Variants in EPC1 observed in about 807,000 individuals in gnomAD.
The protein encoded by EPC1 is enhancer of polycomb homolog 1.
Under a neutral mutation model 98.4 loss-of-function variants are expected in EPC1, and 12 were observed. The observed-to-expected ratio is 0.12, with a 90% CI of 0.08 to 0.20. The LOEUF (loss-of-function observed/expected upper bound fraction) is 0.20, where lower values mean the gene tolerates loss of function less well. Among genes scored for constraint, EPC1 ranks in the 10% least tolerant of loss-of-function variants. The pLI is 1.00. For synonymous variants in EPC1, 357 were observed against 363.9 expected, an observed-to-expected ratio of 0.98 and a Z score of 0.21; for missense variants, 729 against 990.5, an observed-to-expected ratio of 0.74 and a Z score of 3.54.
chr10:32,328,423 T>C (rs931139457), intron 1 of EPC1, among the ~76,000 whole-genome samples: 12 of 152,212 alleles, frequency 7.9e-5, no homozygotes, highest in Non-Finnish European at 1.8e-4. Context: ...GCTTGCACAG[T>C]TGTGCTACCA....
At chr10:32,283,890 T>C (rs1836531177) in intron 10 of EPC1, 1 of 152,174 alleles carries the variant, frequency 6.6e-6, no homozygotes, top group Admixed American at 6.5e-5. Flanking sequence ...TAAATTAGTT[T>C]ACGGAACATT....
intron 1 of EPC1, among the ~76,000 whole-genome samples, chr10:32,318,023 C>T (rs1033198935): frequency 2.0e-5 from 3 of 152,278 alleles, no homozygotes; most frequent in Middle Eastern, 6.8e-3. Flanking sequence ...CCTCTCATGT[C>T]CTTATTTGTA....
At chr10:32,301,071 T>C (rs1835501214) in intron 2 of EPC1, among the ~76,000 whole-genome samples, 1 of 152,090 alleles carries the variant, frequency 6.6e-6, no homozygotes, top group Non-Finnish European at 1.5e-5. Flanking sequence ...TCTATCTATC[T>C]ATCTATCTAT....
At chr10:32,367,902 A>G (rs182131745) in intron 1 of EPC1, among the ~76,000 whole-genome samples, 17 of 152,338 alleles carry the variant, frequency 1.1e-4, no homozygotes, top group Non-Finnish European at 1.6e-4. Context: ...CTAAGTTACT[A>G]ATATAAGTAG....
At chr10:32,297,266 T>C (rs983047821) in intron 2 of EPC1, among the ~76,000 whole-genome samples, 3 of 149,624 alleles carry the variant, frequency 2.0e-5, no homozygotes, top group Non-Finnish European at 1.5e-5. Context: ...AATTGAGACC[T>C]AGCAGGTTAA....
intron 13 of EPC1, among the ~76,000 whole-genome samples, chr10:32,270,111 T>C (rs1192938397): frequency 3.3e-5 from 5 of 152,226 alleles, no homozygotes; most frequent in Non-Finnish European, 7.3e-5. Flanking sequence ...GAAATGCTTT[T>C]TCTTTCTCCT....
intron 2 of EPC1, among the ~76,000 whole-genome samples, chr10:32,302,055 C>T (rs545392303): frequency 6.1e-4 from 92 of 151,868 alleles, no homozygotes; most frequent in African/African-American, 2.1e-3. Context: ...GGGCGGATCA[C>T]GAGGTCAGGA....
intron 11 of EPC1, among the ~76,000 whole-genome samples, chr10:32,272,803 C>T (rs1835904272): frequency 6.6e-6 from 1 of 152,114 alleles, no homozygotes; most frequent in Admixed American, 6.6e-5. Context: ...TTATCTCTTT[C>T]AACAGTTGGA....
chr10:32,281,469 A>G (rs1385618022), intron 10 of EPC1, among the ~76,000 whole-genome samples: 1 of 152,208 alleles, frequency 6.6e-6, no homozygotes, highest in Non-Finnish European at 1.5e-5. Flanking sequence ...ATGCTGTATG[A>G]AAATTAAAAA....
At chr10:32,343,704 G>GT (rs1838538961) in intron 1 of EPC1, among the ~76,000 whole-genome samples, 1 of 149,490 alleles carries the variant, frequency 6.7e-6, no homozygotes, top group South Asian at 2.1e-4. Context: ...TGGGGGGGGG[G>GT]TGTAAGGGCT....
At chr10:32,376,589 G>C (rs781419254) in intron 1 of EPC1, among the ~76,000 whole-genome samples, 110 of 151,930 alleles carry the variant, frequency 7.2e-4, no homozygotes, top group African/African-American at 2.5e-3. Context: ...ACAAAATATG[G>C]GCTAATACAT....
intron 10 of EPC1, among the ~76,000 whole-genome samples, chr10:32,277,873 G>A (rs1836181618): frequency 6.6e-6 from 1 of 151,382 alleles, no homozygotes; most frequent in South Asian, 2.1e-4. Context: ...CCCGGCCTAA[G>A]ACTCTCTGAG....
chr10:32,373,059 C>A (rs1329150902), intron 1 of EPC1, among the ~76,000 whole-genome samples: 1 of 152,002 alleles, frequency 6.6e-6, no homozygotes. Flanking sequence ...TAGAGAACAC[C>A]AATTTTACAA....
At chr10:32,342,721 A>G (rs566640200) in intron 1 of EPC1, among the ~76,000 whole-genome samples, 13 of 152,334 alleles carry the variant, frequency 8.5e-5, no homozygotes, top group African/African-American at 2.9e-4. Flanking sequence ...GGAAAGGTTA[A>G]GTTGCCACCC....
intron 1 of EPC1, among the ~76,000 whole-genome samples, chr10:32,343,117 T>C (rs2133042862): frequency 7.7e-6 from 1 of 129,132 alleles, no homozygotes; most frequent in African/African-American, 2.8e-5. Context: ...GACTCAATTA[T>C]CTCAGAGCTG....
At chr10:32,308,177 T>C (rs1361884224) in intron 1 of EPC1, among the ~76,000 whole-genome samples, 2 of 152,140 alleles carry the variant, frequency 1.3e-5, no homozygotes, top group African/African-American at 4.8e-5. Context: ...GCCCAGGAGT[T>C]TGAGACCAGC....
chr10:32,364,830 G>A (rs2505346), intron 1 of EPC1, among the ~76,000 whole-genome samples: 80,063 of 151,672 alleles, frequency 0.53, 23,362 homozygotes, highest in East Asian at 0.69. Context: ...TGGGACACAC[G>A]CAGCCCAGGA....
At position 32,271,670 on chromosome 10, in the gene EPC1, T is replaced by C. The variant is rs1835850497; in HGVS notation, c.2253A>G (p.Ala751=). ...CACTTAAAGTCCTAGGTATATGTCG[T>C]GCATTTATTGGGGCAATAGAGTTTA... The part of the protein sequence containing the change: ...ATVNSIAPIN[A]RHIPRTLSAV... Residue 751 remains alanine, a synonymous_variant, in exon 13 of 14, where the codon GCA becomes GCG. Transcript: ENST00000319778. 4 of 1,614,208 alleles carry C rather than the reference T, an allele frequency of 2.5e-6. No homozygotes were observed. In the Admixed American group the frequency reaches 6.7e-5, roughly 27 times the overall value.
At chr10:32,369,397 C>CT (rs35350426) in intron 1 of EPC1, among the ~76,000 whole-genome samples, 4 of 152,004 alleles carry the variant, frequency 2.6e-5, no homozygotes, top group Non-Finnish European at 5.9e-5. Context: ...TTCAGAATAC[C>CT]TTTTTTTAAA....
Sources: allele counts gnomAD v4.1 joint callset (sites outside exome capture counted in the v4.1 genomes callset), GRCh38; gene constraint gnomAD v4.1.1; transcripts MANE v1.5; gene names NCBI Gene and HGNC (gene_info 2026-07-23, HGNC 2026-07-21).